COP1: variants seen among roughly 807,000 people sequenced by gnomAD.
COP1 encodes E3 ubiquitin-protein ligase COP1.
A neutral mutation model predicts 101.3 loss-of-function variants in COP1; 24 were observed. The ratio of observed to expected loss-of-function variants is 0.24; its 90% CI spans 0.17 to 0.33. COP1 has a LOEUF of 0.33. COP1 is among the 10% of genes least tolerant of loss of function. COP1 has a pLI of 1.00. For missense variants in COP1, 663 were observed against 906.2 expected (o/e 0.73, Z 3.45); for synonymous variants, 347 against 341.9 (o/e 1.01, Z -0.17).
At chr1:176,121,877 A>G (rs989170043) in intron 8 of COP1, among the ~76,000 whole-genome samples, 3 of 152,128 alleles carry the variant, frequency 2.0e-5, no homozygotes, top group Non-Finnish European at 4.4e-5. Flanking sequence ...AAGTTTGGTC[A>G]CGCCTGTAAT....
intron 2 of COP1, among the ~76,000 whole-genome samples, chr1:176,176,588 G>A (rs1291564524): frequency 6.6e-6 from 1 of 152,116 alleles, no homozygotes; most frequent in Admixed American, 6.6e-5. Context: ...GGAGGCAGAG[G>A]CAGGAAGATC....
chr1:176,068,082 G>A (rs1363499421), intron 11 of COP1, among the ~76,000 whole-genome samples: 1 of 152,182 alleles, frequency 6.6e-6, no homozygotes, highest in African/African-American at 2.4e-5. Flanking sequence ...GGTACAGGAG[G>A]TATATGGGAA....
intron 3 of COP1, among the ~76,000 whole-genome samples, chr1:176,165,356 T>TGTC (rs1318766541): frequency 7.4e-6 from 1 of 135,780 alleles, no homozygotes; most frequent in Non-Finnish European, 1.6e-5. Context: ...GAGAGAGATG[T>TGTC]GTGTCGTGTG....
At chr1:176,001,680 TA>T (rs1250913309) in intron 15 of COP1, among the ~76,000 whole-genome samples, 1 of 152,156 alleles carries the variant, frequency 6.6e-6, no homozygotes, top group African/African-American at 2.4e-5. Flanking sequence ...CCGATATGAT[TA>T]TCTTAACCAG....
chr1:176,097,868 CA>C (rs35822200), intron 9 of COP1, among the ~76,000 whole-genome samples: 26,378 of 78,920 alleles, frequency 0.33, 2,389 homozygotes, highest in Admixed American at 0.41. Context: ...AACTCCATCT[CA>C]AAAAAAAAAA....
intron 15 of COP1, among the ~76,000 whole-genome samples, chr1:176,020,330 A>C (rs1468765687): frequency 6.6e-6 from 1 of 151,484 alleles, no homozygotes; most frequent in Non-Finnish European, 1.5e-5. Flanking sequence ...AAAAAAAAAA[A>C]ACCTTCATAC....
intron 11 of COP1, among the ~76,000 whole-genome samples, chr1:176,065,624 T>C (rs1377019464): frequency 6.6e-6 from 1 of 151,956 alleles, no homozygotes; most frequent in African/African-American, 2.4e-5. Context: ...TCCTCCCCTA[T>C]TTGCCTGAAA....
intron 1 of COP1, among the ~76,000 whole-genome samples, chr1:176,198,563 A>G (rs888499707): frequency 1.2e-4 from 19 of 152,288 alleles, no homozygotes; most frequent in Admixed American, 9.2e-4. Flanking sequence ...TAGCTAGAAC[A>G]CAAAAATTAA....
At chr1:175,950,120 A>C (rs1326924010) in intron 18 of COP1, among the ~76,000 whole-genome samples, 1 of 152,144 alleles carries the variant, frequency 6.6e-6, no homozygotes, top group African/African-American at 2.4e-5. Flanking sequence ...CCTCAGGATT[A>C]CTATGGCATT....
At chr1:176,089,103 C>T (rs999370324) in intron 9 of COP1, among the ~76,000 whole-genome samples, 2 of 151,614 alleles carry the variant, frequency 1.3e-5, no homozygotes, top group Non-Finnish European at 2.9e-5. Context: ...AAGTTCAAGA[C>T]CAGCCTGGCC....
chr1:176,173,440 G>A (rs747372100), intron 3 of COP1, among the ~76,000 whole-genome samples: 3 of 150,222 alleles, frequency 2.0e-5, no homozygotes, highest in Admixed American at 6.7e-5. Context: ...GTTTGAGACC[G>A]GCCTGGAAAA....
intron 15 of COP1, among the ~76,000 whole-genome samples, chr1:175,993,093 C>A (rs192013198): frequency 6.6e-6 from 1 of 152,122 alleles, no homozygotes; most frequent in Non-Finnish European, 1.5e-5. Flanking sequence ...CACGAAAAGC[C>A]GCTGTTCTGC....
intron 11 of COP1, among the ~76,000 whole-genome samples, chr1:176,080,036 C>T (rs1383414901): frequency 6.6e-6 from 1 of 151,582 alleles, no homozygotes; most frequent in Non-Finnish European, 1.5e-5. Context: ...GGAAAAATCC[C>T]AATATCTGGA....
intron 9 of COP1, among the ~76,000 whole-genome samples, chr1:176,098,589 T>C (rs776062681): frequency 3.3e-5 from 5 of 152,266 alleles, no homozygotes; most frequent in Admixed American, 1.3e-4. Flanking sequence ...AGGCATTATA[T>C]GGTTTTTCTG....
intron 8 of COP1, among the ~76,000 whole-genome samples, chr1:176,133,150 GTACATATATATACGTATGTACACACA>G (rs1689177195): frequency 7.3e-6 from 1 of 137,866 alleles, no homozygotes; most frequent in Non-Finnish European, 1.6e-5. Context: ...ACGTATATAC[GTACATATATATACGTATGTACACACA>G]TACGTATATA....
intron 8 of COP1, among the ~76,000 whole-genome samples, chr1:176,123,679 G>C (rs1475501489): frequency 1.3e-5 from 2 of 152,100 alleles, no homozygotes; most frequent in Non-Finnish European, 2.9e-5. Flanking sequence ...CATTACAGAA[G>C]AATGTGTAAC....
Position 175,967,488 on chromosome 1 carries a change from AAAACAAACAAACAAAC to A in COP1, c.2133+19439_2133+19454del, listed in dbSNP as rs71129535. Among the ~76,000 whole-genome samples the A allele has an allele frequency of 2.0e-3, 298 of 151,088 alleles. 2 individuals are homozygous for A. The highest frequency in any genetic ancestry group is 6.0e-3 in the African/African-American group (247 of 40,966). Reference sequence around the variant, plus strand: ...GTGACACAGTGAGACTCAGTCTCAAAAAACAAACAAACAAACAAACAAACAAACAAACAAACCCAGC... The same window carrying A: ...GTGACACAGTGAGACTCAGTCTCAAAAAACAAACAAACAAACAAACCCAGC... On this transcript the variant is annotated intron_variant, in intron 18 of 19. Transcript: ENST00000367669.
chr1:176,107,114 T>C (rs1004536546), intron 9 of COP1, among the ~76,000 whole-genome samples: 1 of 152,198 alleles, frequency 6.6e-6, no homozygotes, highest in Non-Finnish European at 1.5e-5. Flanking sequence ...GAAATATAAA[T>C]GGTTTGATTC....
chr1:176,206,499 AC>A (rs1201831625), intron 1 of COP1, 72 bp downstream of exon 1: 7 of 1,389,148 alleles, frequency 5.0e-6, no homozygotes, highest in East Asian at 2.6e-5. Flanking sequence ...CCCACACCAG[AC>A]CCCCCGCCCC....
Sources: allele counts gnomAD v4.1 joint callset (sites outside exome capture counted in the v4.1 genomes callset), GRCh38; gene constraint gnomAD v4.1.1; transcripts MANE v1.5; gene names NCBI Gene and HGNC (gene_info 2026-07-23, HGNC 2026-07-21).